FRMD4A: variants seen among roughly 807,000 people sequenced by gnomAD.
FRMD4A encodes the protein FERM domain containing 4A.
Under a neutral mutation model 129.1 loss-of-function variants are expected in FRMD4A, and 29 were observed. That is an observed-to-expected ratio of 0.22 (90% CI 0.17 to 0.31). The LOEUF is 0.31. FRMD4A is among the 10% of genes least tolerant of loss of function. The pLI, the probability that FRMD4A is intolerant of heterozygous loss-of-function variation, is 1.00. For synonymous variants in FRMD4A, 634 were observed against 571.6 expected (o/e 1.11, Z -1.56); for missense variants, 1,272 against 1,375.8 (o/e 0.92, Z 1.19).
chr10:14,177,115 G>A (rs541819081), intron 2 of FRMD4A, among the ~76,000 whole-genome samples: 8 of 152,280 alleles, frequency 5.3e-5, no homozygotes, highest in African/African-American at 1.7e-4. Context: ...TTCATGAACA[G>A]GTTTGCACTG....
At chr10:14,209,921 G>A (rs1372574665) in intron 2 of FRMD4A, among the ~76,000 whole-genome samples, 1 of 152,040 alleles carries the variant, frequency 6.6e-6, no homozygotes, top group Admixed American at 6.6e-5. Flanking sequence ...ACACAGAGGA[G>A]GAAGCCATGT....
chr10:14,254,552 G>A (rs1468594548), intron 2 of FRMD4A, among the ~76,000 whole-genome samples: 2 of 152,074 alleles, frequency 1.3e-5, no homozygotes, highest in East Asian at 1.9e-4. Context: ...TGGATCACAT[G>A]TTTTCCTGTG....
chr10:14,087,767 C>T (rs1836375747), intron 2 of FRMD4A, among the ~76,000 whole-genome samples: 1 of 152,184 alleles, frequency 6.6e-6, no homozygotes. Flanking sequence ...CAGAAGATGG[C>T]TATGATTTCA....
intron 8 of FRMD4A, among the ~76,000 whole-genome samples, chr10:13,749,917 A>G (rs1163971270): frequency 6.6e-6 from 1 of 151,020 alleles, no homozygotes; most frequent in Non-Finnish European, 1.5e-5. Context: ...TTGCAACACC[A>G]CACTCCAGCC....
At chr10:13,690,876 A>G (rs757706902) in intron 15 of FRMD4A, among the ~76,000 whole-genome samples, 4 of 152,160 alleles carry the variant, frequency 2.6e-5, no homozygotes, top group African/African-American at 4.8e-5. Context: ...ATTAAGCAGG[A>G]AGGTTTTCTT....
chr10:13,851,775 C>T (rs1456437010), intron 3 of FRMD4A, among the ~76,000 whole-genome samples: 1 of 151,898 alleles, frequency 6.6e-6, no homozygotes, highest in Non-Finnish European at 1.5e-5. Flanking sequence ...TGGCGCCTGC[C>T]TGTAATCCCA....
chr10:14,075,874 C>T (rs1018721771), intron 2 of FRMD4A, among the ~76,000 whole-genome samples: 13 of 152,172 alleles, frequency 8.5e-5, no homozygotes, highest in African/African-American at 2.7e-4. Context: ...AGAAGCTTCC[C>T]CCAGTTACAG....
At chr10:14,210,101 G>C (rs1842895212) in intron 2 of FRMD4A, among the ~76,000 whole-genome samples, 1 of 152,214 alleles carries the variant, frequency 6.6e-6, no homozygotes, top group African/African-American at 2.4e-5. Context: ...CCAAGCTTGT[G>C]ATACTTTGTG....
At chr10:14,296,928 A>G (rs900807664) in intron 2 of FRMD4A, among the ~76,000 whole-genome samples, 12 of 152,160 alleles carry the variant, frequency 7.9e-5, no homozygotes, top group South Asian at 4.1e-4. Context: ...CTTCTGTGCC[A>G]GGGGAGACAA....
chr10:14,246,047 C>T (rs558893380), intron 2 of FRMD4A, among the ~76,000 whole-genome samples: 19 of 152,304 alleles, frequency 1.2e-4, no homozygotes, highest in African/African-American at 3.8e-4. Flanking sequence ...GCAAAGGAGA[C>T]TCAAGGGCTG....
chr10:13,703,432 A>G (rs2087068228), intron 13 of FRMD4A, among the ~76,000 whole-genome samples: 2 of 152,206 alleles, frequency 1.3e-5, no homozygotes, highest in Non-Finnish European at 2.9e-5. Context: ...AGTGTTGTCC[A>G]GTGCCCCACA....
At chr10:14,236,403 G>A (rs570206462) in intron 2 of FRMD4A, among the ~76,000 whole-genome samples, 3 of 152,300 alleles carry the variant, frequency 2.0e-5, no homozygotes, top group Admixed American at 6.5e-5. Flanking sequence ...AGAACTACAG[G>A]CAGAAGATGA....
chr10:14,324,669 A>C (rs1199037004), intron 2 of FRMD4A, among the ~76,000 whole-genome samples: 1 of 152,006 alleles, frequency 6.6e-6, no homozygotes, highest in Non-Finnish European at 1.5e-5. Flanking sequence ...TTATTTATTT[A>C]TTTAGAGATG....
chr10:14,132,044 G>A (rs1037946750), intron 2 of FRMD4A, among the ~76,000 whole-genome samples: 1 of 152,144 alleles, frequency 6.6e-6, no homozygotes, highest in Non-Finnish European at 1.5e-5. Context: ...CCAGCACTTC[G>A]GGAGGCCAAG....
chr10:13,670,346 G>C (rs1478660894), intron 17 of FRMD4A, 60 bp downstream of exon 17: 8 of 1,569,546 alleles, frequency 5.1e-6, no homozygotes, highest in Non-Finnish European at 3.5e-6. Flanking sequence ...TGGAAGGCCT[G>C]ACCAATGGGA....
chr10:14,022,191 T>G lies in FRMD4A; in HGVS notation c.46-163279A>C, dbSNP rs1471921897. On this transcript the variant is annotated intron_variant, in intron 2 of 24. Coordinates refer to ENST00000357447, the MANE Select transcript of FRMD4A (RefSeq NM_018027.5). ...CTAAGTGAGGTCAACAAATAATGAGTGGTACAGAGAGGAAGTGCGACAGAA... is the reference window on the plus strand; with the variant it reads ...CTAAGTGAGGTCAACAAATAATGAGGGGTACAGAGAGGAAGTGCGACAGAA... 2.0e-5 allele frequency among the ~76,000 whole-genome samples: 3 copies of G among 151,672 alleles called. No individual in the cohort carries two copies. In the East Asian group the frequency reaches 5.8e-4, roughly 29 times the overall value.
intron 6 of FRMD4A, among the ~76,000 whole-genome samples, chr10:13,776,793 T>A (rs114205206): frequency 1.3e-5 from 2 of 152,148 alleles, no homozygotes; most frequent in Admixed American, 1.3e-4. Flanking sequence ...AACCCAGGCA[T>A]CCGGGTATCA....
At chr10:13,703,459 C>T (rs547822063) in intron 13 of FRMD4A, among the ~76,000 whole-genome samples, 1 of 152,198 alleles carries the variant, frequency 6.6e-6, no homozygotes, top group Non-Finnish European at 1.5e-5. Flanking sequence ...GGTGCAATCA[C>T]ACCTGAGCCC....
intron 2 of FRMD4A, among the ~76,000 whole-genome samples, chr10:13,977,360 T>A (rs900167268): frequency 6.6e-6 from 1 of 152,200 alleles, no homozygotes; most frequent in Admixed American, 6.5e-5. Flanking sequence ...TTTCTTTCTT[T>A]CCATCCACTG....
Sources: gnomAD v4.1 joint callset for allele counts (sites outside exome capture counted in the v4.1 genomes callset) on GRCh38, gnomAD v4.1.1 for gene constraint, MANE v1.5 for transcripts, NCBI Gene and HGNC (gene_info 2026-07-23, HGNC 2026-07-21) for gene names.